The following EPB41L4A variants were observed in gnomAD, a reference collection of about 807,000 sequenced individuals.
EPB41L4A encodes the protein erythrocyte membrane protein band 4.1 like 4A.
A neutral mutation model predicts 108.6 loss-of-function variants in EPB41L4A; 100 were observed. That is an observed-to-expected ratio of 0.92 (90% CI 0.78 to 1.09). The LOEUF is 1.09. EPB41L4A is among the 50% of genes least tolerant of loss of function. The pLI, the probability that EPB41L4A is intolerant of heterozygous loss-of-function variation, is 0.00. For missense variants in EPB41L4A, 1,030 were observed against 842.7 expected (o/e 1.22, Z -2.75); for synonymous variants, 319 against 289.0 (o/e 1.10, Z -1.05).
At chr5:112,280,413 A>C (rs963607565) in intron 2 of EPB41L4A, 90 bp from the exon 3 acceptor site, 1 of 1,196,982 alleles carries the variant, frequency 8.4e-7, no homozygotes, top group Admixed American at 1.7e-5. Context: ...TATTTAAACA[A>C]CATTTTAAAA....
chr5:112,306,970 C>T (rs1429890435), intron 2 of EPB41L4A, among the ~76,000 whole-genome samples: 1 of 148,972 alleles, frequency 6.7e-6, no homozygotes, highest in Non-Finnish European at 1.5e-5. Context: ...TAGGTAGTCA[C>T]TTTTTTTTTT....
chr5:112,261,092 G>A (rs1338636154), intron 7 of EPB41L4A, among the ~76,000 whole-genome samples: 1 of 152,126 alleles, frequency 6.6e-6, no homozygotes, highest in Non-Finnish European at 1.5e-5. Context: ...GTGGCTAAAG[G>A]GAGGGAAGGT....
chr5:112,232,605 A>G (rs562620904), intron 12 of EPB41L4A, among the ~76,000 whole-genome samples: 1 of 152,328 alleles, frequency 6.6e-6, no homozygotes, highest in East Asian at 1.9e-4. Flanking sequence ...ATGGTAAAAT[A>G]AACTCATACA....
rs1429050872 is a variant in EPB41L4A, at chr5:112,363,078, AG to A, written c.100-55589del. 2.0e-5 allele frequency among the ~76,000 whole-genome samples: 3 copies of A among 152,118 alleles called. No individual in the cohort carries two copies. The East Asian group carries it at 5.8e-4, about 29-fold the overall frequency. On this transcript the variant is annotated intron_variant, in intron 1 of 22. Transcript: ENST00000261486. ...ATATCATTTCCATTAGCCACTTTCA[AG>A]GCTTGAAAATGTCCTGTACACAAGT...
intron 12 of EPB41L4A, among the ~76,000 whole-genome samples, chr5:112,149,341 A>T (rs1580321190): frequency 6.6e-6 from 1 of 152,266 alleles, no homozygotes; most frequent in East Asian, 1.9e-4. Context: ...GCGTGGTGGC[A>T]CGTGCCTGTA....
chr5:112,403,257 T>C (rs1761887562), intron 1 of EPB41L4A, among the ~76,000 whole-genome samples: 1 of 151,216 alleles, frequency 6.6e-6, no homozygotes, highest in African/African-American at 2.4e-5. Context: ...TGAAAGGCAG[T>C]CTAGGATCAA....
intron 1 of EPB41L4A, among the ~76,000 whole-genome samples, chr5:112,417,870 A>C (rs1254882867): frequency 6.6e-6 from 1 of 152,260 alleles, no homozygotes. Flanking sequence ...ATTAACGCTG[A>C]AACTTTTAGC....
rs1298169643 is a variant in EPB41L4A, at chr5:112,228,842, T to TGA, written c.1087+5790_1087+5791dup. The TGA allele has an allele frequency of 8.7e-6, 5 of 575,336 alleles. No individual in the cohort carries two copies. In the East Asian group the frequency reaches 5.7e-4, roughly 66 times the overall value. The allele number at this position is 575,336 out of a possible 1,614,324, so 35.6% of individuals were successfully genotyped here. A position where few individuals can be genotyped will look rare whatever the true frequency, so the allele number is the denominator to read the frequency against. On this transcript the variant is annotated intron_variant, in intron 12 of 22. Transcript: ENST00000261486. Reference sequence around the variant, plus strand: ...GCAGGAATGCTCTGGCTGCCTGCCCTGATGCTGACCTCCTCTGGGTGGGGA... The same window carrying TGA: ...GCAGGAATGCTCTGGCTGCCTGCCCTGAGATGCTGACCTCCTCTGGGTGGGGA...
intron 1 of EPB41L4A, among the ~76,000 whole-genome samples, chr5:112,347,554 C>G (rs1757761160): frequency 6.6e-6 from 1 of 152,190 alleles, no homozygotes; most frequent in South Asian, 2.1e-4. Flanking sequence ...CCTAAGAACA[C>G]ACGGTTGCTG....
chr5:112,161,552 G>A (rs1378747684), downstream of EPB41L4A: 1 of 519,208 alleles, frequency 1.9e-6, no homozygotes, highest in East Asian at 5.4e-5. Context: ...TAAATTAAAC[G>A]CTTTGCAGCC....
intron 1 of EPB41L4A, among the ~76,000 whole-genome samples, chr5:112,336,921 T>G (rs1375193065): frequency 1.3e-5 from 2 of 152,176 alleles, no homozygotes; most frequent in Non-Finnish European, 2.9e-5. Context: ...AGACTTCCCT[T>G]TTACAGTCTG....
intron 1 of EPB41L4A, among the ~76,000 whole-genome samples, chr5:112,333,914 C>T (rs1297490723): frequency 2.0e-5 from 3 of 152,170 alleles, no homozygotes; most frequent in Non-Finnish European, 4.4e-5. Flanking sequence ...CTGCAGTATA[C>T]TATCAACAGC....
At chr5:112,228,104 G>A (rs1748600049) in intron 12 of EPB41L4A, among the ~76,000 whole-genome samples, 1 of 152,174 alleles carries the variant, frequency 6.6e-6, no homozygotes, top group Admixed American at 6.5e-5. Flanking sequence ...TCACATGGTA[G>A]ATCAACCACT....
intron 2 of EPB41L4A, among the ~76,000 whole-genome samples, chr5:112,294,931 G>GAA (rs1478884461): frequency 2.6e-5 from 4 of 152,204 alleles, no homozygotes; most frequent in Non-Finnish European, 4.4e-5. Flanking sequence ...TCGCCTTTCT[G>GAA]AAAGAAAACT....
chr5:112,257,581 T>G (rs1362133140), intron 9 of EPB41L4A, among the ~76,000 whole-genome samples: 1 of 152,216 alleles, frequency 6.6e-6, no homozygotes, highest in African/African-American at 2.4e-5. Flanking sequence ...AGATGAAAGT[T>G]CAGCTTAGCT....
At chr5:112,315,893 T>C (rs1458898785) in intron 1 of EPB41L4A, among the ~76,000 whole-genome samples, 1 of 152,208 alleles carries the variant, frequency 6.6e-6, no homozygotes, top group Non-Finnish European at 1.5e-5. Context: ...TTTTTATAAC[T>C]AATCAGCAAA....
At chr5:112,154,922 G>A (rs1759597546) in intron 12 of EPB41L4A, among the ~76,000 whole-genome samples, 1 of 152,070 alleles carries the variant, frequency 6.6e-6, no homozygotes. Context: ...ATACTGTAAG[G>A]AACAACTTCC....
intron 1 of EPB41L4A, among the ~76,000 whole-genome samples, chr5:112,339,894 G>A (rs2035778389): frequency 6.6e-6 from 1 of 152,032 alleles, no homozygotes; most frequent in African/African-American, 2.4e-5. Context: ...AGACCTCATG[G>A]AAGAGACCTT....
At chr5:112,234,168 T>C (rs567804309) in intron 12 of EPB41L4A, among the ~76,000 whole-genome samples, 325 of 143,668 alleles carry the variant, frequency 2.3e-3, no homozygotes, top group Non-Finnish European at 3.4e-3. Context: ...AATAAAATAA[T>C]ATAAAATAAA....
Sources: allele counts gnomAD v4.1 joint callset (sites outside exome capture counted in the v4.1 genomes callset), GRCh38; gene constraint gnomAD v4.1.1; transcripts MANE v1.5; gene names NCBI Gene and HGNC (gene_info 2026-07-23, HGNC 2026-07-21).